NXPE4: variants seen among roughly 807,000 people sequenced by gnomAD.
NXPE4 encodes the protein NXPE family member 4.
In NXPE4, 42 loss-of-function variants were observed where a neutral mutation model predicts 33.3. That is an observed-to-expected ratio of 1.26 (90% CI 0.98 to 1.63). NXPE4 has a LOEUF of 1.63. Ranked by LOEUF, NXPE4 falls within the 40% of genes most tolerant of loss-of-function variation. NXPE4 has a pLI of 0.00. For synonymous variants in NXPE4, 253 were observed against 234.9 expected, an observed-to-expected ratio of 1.08 and a Z score of -0.71; for missense variants, 709 against 647.6, an observed-to-expected ratio of 1.09 and a Z score of -1.03.
upstream of NXPE4, among the ~76,000 whole-genome samples, chr11:114,596,597 T>C (rs930699151): frequency 6.6e-5 from 10 of 152,210 alleles, no homozygotes; most frequent in Admixed American, 3.3e-4. Context: ...ACCTTAACAA[T>C]ACTTCTTTAT....
rs1464204460 is a variant in NXPE4 at position 114,570,838 on chromosome 11, G to C, written c.*100C>G. The C allele has an allele frequency of 2.7e-6, 2 of 748,192 alleles. No individual in the cohort carries two copies. The highest frequency in any genetic ancestry group is 4.3e-6 in the Non-Finnish European group (2 of 464,182). The allele number at this position is 748,192 out of a possible 1,614,324, so 46.3% of individuals were successfully genotyped here. A position where few individuals can be genotyped will look rare whatever the true frequency, so the allele number is the denominator to read the frequency against. On this transcript the variant is annotated 3_prime_UTR_variant, in exon 6 of 6. Transcript: ENST00000375478. ...GCCATAATGTAGATTCTCTGCTCTT[G>C]CTAGTTGGGAATTCAGAGCCAAACA...
the NXPE4 span, among the ~76,000 whole-genome samples, chr11:114,654,227 A>G: frequency 6.6e-6 from 1 of 152,060 alleles, no homozygotes; most frequent in Admixed American, 6.5e-5. Context: ...AGAGAAAAAC[A>G]CATCCAAAGC....
chr11:114,645,300 C>T, the NXPE4 span, among the ~76,000 whole-genome samples: 5 of 151,896 alleles, frequency 3.3e-5, no homozygotes, highest in Non-Finnish European at 7.4e-5. Flanking sequence ...GACTCCATCT[C>T]GAAAATAAAT....
At chr11:114,651,928 G>C in the NXPE4 span, among the ~76,000 whole-genome samples, 2 of 152,194 alleles carry the variant, frequency 1.3e-5, no homozygotes, top group African/African-American at 4.8e-5. Flanking sequence ...ACAAAACAAA[G>C]AAACAAACCA....
In NXPE4 at chr11:114,578,657, A is replaced by T. The variant is rs1949068212; in HGVS notation, c.1099+1475T>A. Among the ~76,000 whole-genome samples the T allele has an allele frequency of 1.3e-5, 2 of 152,154 alleles. 1 individual carries two copies. Among genetic ancestry groups the T allele is most frequent in the Non-Finnish European group, 2.9e-5 (2 of 68,032 alleles). ...GTGGCCTCATTTTAGGAAGGCCAGG[A>T]TGGAGCCACAGCTACTGCAATTCTC... On this transcript the variant is annotated intron_variant, in intron 5 of 5. Transcript: ENST00000375478.
At chr11:114,600,268 T>G (rs1949622086), upstream of NXPE4, among the ~76,000 whole-genome samples, 1 of 152,198 alleles carries the variant, frequency 6.6e-6, no homozygotes. Context: ...AAGACATATC[T>G]TGGTTGGCAA....
At chr11:114,602,197 TATA>T in the NXPE4 span, among the ~76,000 whole-genome samples, 5 of 108,770 alleles carry the variant, frequency 4.6e-5, no homozygotes, top group South Asian at 5.3e-4. Flanking sequence ...ATATATAATA[TATA>T]ATACTATATA....
the NXPE4 span, among the ~76,000 whole-genome samples, chr11:114,649,877 T>C: frequency 6.6e-6 from 1 of 152,234 alleles, no homozygotes; most frequent in African/African-American, 2.4e-5. Context: ...AATGTTTTAC[T>C]AAGGCAGGGA....
chr11:114,570,933 G>T lies in NXPE4; in HGVS notation c.*5C>A. 1 of 1,549,400 alleles carries T rather than the reference G, an allele frequency of 6.5e-7. No homozygotes were observed. ...AAGTGAATGAATTTCAGACTTTTGT[G>T]TTATTTAACAAATATAGTTTAATAA... On this transcript the variant is annotated 3_prime_UTR_variant, in exon 6 of 6. Coordinates refer to ENST00000375478, the MANE Select transcript of NXPE4 (RefSeq NM_001077639.2).
chr11:114,624,880 C>A, the NXPE4 span, among the ~76,000 whole-genome samples: 1 of 152,036 alleles, frequency 6.6e-6, no homozygotes, highest in African/African-American at 2.4e-5. Flanking sequence ...ACCACTGTAA[C>A]CTGGTGGATA....
chr11:114,587,397 G>A (rs897437223), intron 2 of NXPE4, among the ~76,000 whole-genome samples: 7 of 152,182 alleles, frequency 4.6e-5, no homozygotes, highest in Non-Finnish European at 1.0e-4. Flanking sequence ...ATAGCAAATT[G>A]TACAGCTCAA....
the NXPE4 span, among the ~76,000 whole-genome samples, chr11:114,614,240 C>T: frequency 6.6e-6 from 1 of 151,894 alleles, no homozygotes; most frequent in Non-Finnish European, 1.5e-5. Context: ...TGGGTAACCA[C>T]TGTTACCCTG....
chr11:114,622,738 A>G, the NXPE4 span, among the ~76,000 whole-genome samples: 1 of 150,958 alleles, frequency 6.6e-6, no homozygotes, highest in Non-Finnish European at 1.5e-5. Context: ...GTGTGTAACC[A>G]CTGTTACCCA....
intron 5 of NXPE4, among the ~76,000 whole-genome samples, 159 bp downstream of exon 5, chr11:114,579,973 T>C (rs1290744492): frequency 6.6e-6 from 1 of 152,222 alleles, no homozygotes; most frequent in East Asian, 1.9e-4. Context: ...GCTGTATTGT[T>C]TTTTTAAAGG....
At chr11:114,635,653 T>C in the NXPE4 span, among the ~76,000 whole-genome samples, 1,378 of 151,984 alleles carry the variant, frequency 9.1e-3, 23 homozygotes, top group African/African-American at 0.032. Flanking sequence ...ATACCTAATT[T>C]ATTGAGAGTT....
intron 2 of NXPE4, among the ~76,000 whole-genome samples, chr11:114,589,733 G>A (rs1378551024): frequency 6.6e-6 from 1 of 152,104 alleles, no homozygotes; most frequent in East Asian, 1.9e-4. Flanking sequence ...CCTAATCGGA[G>A]ACAATATCCC....
chr11:114,619,466 G>T, the NXPE4 span, among the ~76,000 whole-genome samples: 52 of 149,520 alleles, frequency 3.5e-4, no homozygotes, highest in African/African-American at 1.3e-3. Flanking sequence ...TGCCTCGTGG[G>T]TAACCACTGT....
At chr11:114,572,845 T>C (rs1948920730) in intron 5 of NXPE4, among the ~76,000 whole-genome samples, 1 of 152,082 alleles carries the variant, frequency 6.6e-6, no homozygotes, top group South Asian at 2.1e-4. Context: ...GACATCCAAA[T>C]ACAAGCAGCT....
intron 5 of NXPE4, among the ~76,000 whole-genome samples, chr11:114,578,724 C>T (rs773327910): frequency 2.0e-5 from 3 of 152,122 alleles, no homozygotes; most frequent in African/African-American, 7.2e-5. Flanking sequence ...GAGGGGTAGA[C>T]AATAATGGTT....
Sources: gnomAD v4.1 joint callset for allele counts (sites outside exome capture counted in the v4.1 genomes callset) on GRCh38, gnomAD v4.1.1 for gene constraint, MANE v1.5 for transcripts, NCBI Gene and HGNC (gene_info 2026-07-23, HGNC 2026-07-21) for gene names.